The following MED12L variants were observed in gnomAD, a reference collection of about 807,000 sequenced individuals.
The protein encoded by MED12L is mediator of RNA polymerase II transcription subunit 12-like protein.
MED12L carries 60 observed loss-of-function variants against 281.3 expected under a neutral mutation model. The ratio of observed to expected loss-of-function variants is 0.21; its 90% CI spans 0.17 to 0.26. The LOEUF (loss-of-function observed/expected upper bound fraction) is 0.26. Ranked by LOEUF, MED12L falls within the 10% of genes least tolerant of loss-of-function variation. The pLI is 1.00. For synonymous variants in MED12L, 974 were observed against 987.2 expected (o/e 0.99, Z 0.25); for missense variants, 2,146 against 2,680.9 (o/e 0.80, Z 4.41).
chr3:151,190,231 G>T lies in MED12L; in HGVS notation c.1754-486G>T, dbSNP rs190606273. On this transcript the variant is annotated intron_variant, in intron 13 of 44. Transcript: ENST00000687756. ...TTGTCGCCTAGGCTGGGGTACAGTG[G>T]CACGATCTTGGCTCACTGCAACCTC... Among the ~76,000 whole-genome samples the T allele has an allele frequency of 4.7e-4, 71 of 151,864 alleles. 1 individual carries two copies. In the East Asian group the frequency reaches 0.013, roughly 27 times the overall value.
At chr3:151,296,176 C>T (rs1559995962) in intron 16 of MED12L, among the ~76,000 whole-genome samples, 2 of 152,046 alleles carry the variant, frequency 1.3e-5, no homozygotes, top group Non-Finnish European at 2.9e-5. Context: ...GGCTAGGTTA[C>T]GCCTATTGTA....
chr3:151,182,770 G>A (rs1484119252), intron 11 of MED12L, among the ~76,000 whole-genome samples: 1 of 152,142 alleles, frequency 6.6e-6, no homozygotes, highest in Non-Finnish European at 1.5e-5. Flanking sequence ...GGTAAGATGA[G>A]CTTAGTTTGG....
At chr3:151,232,258 C>G (rs528558001) in intron 16 of MED12L, among the ~76,000 whole-genome samples, 4 of 152,328 alleles carry the variant, frequency 2.6e-5, no homozygotes, top group African/African-American at 9.6e-5. Flanking sequence ...GCTCTTTGAG[C>G]AATCACAGTG....
intron 16 of MED12L, among the ~76,000 whole-genome samples, chr3:151,285,272 C>G (rs867214930): frequency 6.6e-6 from 1 of 151,848 alleles, no homozygotes. Context: ...ATCACAAGGT[C>G]AGGAGATCAA....
At chr3:151,140,768 C>T (rs555484613) in intron 5 of MED12L, among the ~76,000 whole-genome samples, 2 of 152,132 alleles carry the variant, frequency 1.3e-5, no homozygotes, top group African/African-American at 4.8e-5. Context: ...CAACCTCTGC[C>T]TCCCGGGTTC....
chr3:151,387,942 C>G lies in MED12L; in HGVS notation c.5221C>G (p.Gln1741Glu). Residue 1741 changes from glutamine to glutamate, a missense_variant, in exon 37 of 45, where the codon CAG becomes GAG. By Grantham distance (29) the Gln-to-Glu change is conservative (BLOSUM62 2). This residue lies in a region of MED12L where 496 missense variants were observed against 512.0 expected (regional missense o/e 0.97). Transcript: ENST00000687756. ...VDRRVIKYEEQHHLLLYHTHP... is the reference protein window; with the variant it reads ...VDRRVIKYEEEHHLLLYHTHP... ...CCGAAGAGTGATCAAGTACGAGGAG[C>G]AGCATCACCTCCTGCTGTATCACAC... 6.2e-7 allele frequency: 1 copy of G among 1,614,008 alleles called. No homozygotes were observed.
At chr3:151,294,868 A>C (rs995779691) in intron 16 of MED12L, 5 of 1,613,998 alleles carry the variant, frequency 3.1e-6, no homozygotes, top group Non-Finnish European at 4.2e-6. Flanking sequence ...CGATGGAAGT[A>C]TACATGTTTG....
chr3:151,190,195 G>C (rs1723789309), intron 13 of MED12L, among the ~76,000 whole-genome samples: 1 of 150,434 alleles, frequency 6.6e-6, no homozygotes, highest in Admixed American at 6.6e-5. Flanking sequence ...TTTTGAGATG[G>C]AGTTTCGCTC....
At chr3:151,406,235 T>G (rs1716290596) in intron 39 of MED12L, among the ~76,000 whole-genome samples, 3 of 152,214 alleles carry the variant, frequency 2.0e-5, no homozygotes, top group Non-Finnish European at 4.4e-5. Context: ...AGTCTCTAGT[T>G]TCCTTTATTA....
intron 17 of MED12L, among the ~76,000 whole-genome samples, chr3:151,352,038 T>G (rs770454926): frequency 4.6e-5 from 7 of 152,202 alleles, no homozygotes; most frequent in African/African-American, 7.2e-5. Context: ...TAGTTTCACA[T>G]TTTTGAATAT....
chr3:151,384,061 A>C, intron 34 of MED12L, 22 bp from the exon 35 acceptor site: 1 of 1,602,594 alleles, frequency 6.2e-7, no homozygotes, highest in Non-Finnish European at 8.5e-7. Context: ...TTTAAGATGA[A>C]AATAATTATT....
At chr3:151,095,483 G>T (rs182198645) in intron 2 of MED12L, among the ~76,000 whole-genome samples, 6 of 152,206 alleles carry the variant, frequency 3.9e-5, no homozygotes, top group Admixed American at 1.3e-4. Context: ...GATTACAAGC[G>T]CATGCCACCA....
At chr3:151,204,727 T>A (rs1227758097) in intron 16 of MED12L, among the ~76,000 whole-genome samples, 1 of 152,036 alleles carries the variant, frequency 6.6e-6, no homozygotes, top group Non-Finnish European at 1.5e-5. Flanking sequence ...ATGAGTGGAG[T>A]TGACTGCAAA....
chr3:151,337,659 T>C, intron 16 of MED12L: 2 of 709,010 alleles, frequency 2.8e-6, no homozygotes, highest in Non-Finnish European at 2.3e-6. Context: ...CTTTTCATAC[T>C]GGAAAGGTAA....
At chr3:151,235,856 T>A (rs1030061059) in intron 16 of MED12L, among the ~76,000 whole-genome samples, 2 of 152,144 alleles carry the variant, frequency 1.3e-5, no homozygotes, top group African/African-American at 4.8e-5. Context: ...GCCTTTCCTG[T>A]TCATGGCATC....
intron 40 of MED12L, 140 bp downstream of exon 40, chr3:151,409,472 T>C: frequency 1.4e-6 from 1 of 721,028 alleles, no homozygotes; most frequent in South Asian, 1.8e-5. Context: ...TTATAATTGA[T>C]ATTTCAAAAA....
chr3:151,343,771 A>G (rs966012121), intron 16 of MED12L, among the ~76,000 whole-genome samples: 1 of 152,024 alleles, frequency 6.6e-6, no homozygotes, highest in Non-Finnish European at 1.5e-5. Context: ...TGTTTATTTT[A>G]CCAAGTCTAC....
At chr3:151,294,576 C>G in intron 16 of MED12L, 1 of 1,614,122 alleles carries the variant, frequency 6.2e-7, no homozygotes, top group Non-Finnish European at 8.5e-7. Context: ...ATGTAACATC[C>G]GATCAGAATC....
chr3:151,342,074 A>G lies in MED12L; in HGVS notation c.2251-7985A>G, dbSNP rs571724927. Among the ~76,000 whole-genome samples the G allele has an allele frequency of 1.2e-4, 19 of 152,302 alleles. No homozygotes were observed. In the South Asian group the frequency reaches 3.7e-3, roughly 30 times the overall value. ...TGTCTTTATAGCAGCATGACTTATA[A>G]TCCTTTGGGTATATACCCAGTAATG... On this transcript the variant is annotated intron_variant, in intron 16 of 44. Coordinates refer to ENST00000687756, the MANE Select transcript of MED12L (RefSeq NM_001393769.1).
Sources: allele counts gnomAD v4.1 joint callset (sites outside exome capture counted in the v4.1 genomes callset), GRCh38; gene constraint gnomAD v4.1.1; regional missense constraint gnomAD v4.1.1; transcripts MANE v1.5; gene names NCBI Gene and HGNC (gene_info 2026-07-23, HGNC 2026-07-21).